Variants in KIAA0319L observed in about 807,000 individuals in gnomAD.
The protein encoded by KIAA0319L is dyslexia-associated protein KIAA0319-like protein.
A neutral mutation model predicts 120.1 loss-of-function variants in KIAA0319L; 55 were observed. The observed-to-expected ratio is 0.46, with a 90% CI of 0.37 to 0.57. KIAA0319L has a LOEUF of 0.57. KIAA0319L is among the 20% of genes least tolerant of loss of function. The pLI is 0.00. For synonymous variants in KIAA0319L, 398 were observed against 471.9 expected (o/e 0.84, Z 2.03); for missense variants, 1,049 against 1,255.3 (o/e 0.84, Z 2.48).
chr1:35,442,315 A>G lies in KIAA0319L; in HGVS notation c.2801T>C (p.Ile934Thr), dbSNP rs1570609778. 1 of 1,613,762 alleles carries G rather than the reference A, an allele frequency of 6.2e-7. No homozygotes were observed. Among genetic ancestry groups the G allele is most frequent in the Non-Finnish European group, 8.5e-7 (1 of 1,179,602 alleles). ...AACAACAATGACAAAGGTAGCAATG[A>G]TAACATATAACACGCTCCACTCTGC... ...SNCEWSVLYV[I>T]IATFVIVVAL... The change falls in exon 19 of 21, where the codon ATC becomes ACC. Residue 934 changes from isoleucine to threonine, a missense_variant. Physicochemically the swap from Ile to Thr is moderately conservative, Grantham distance 89. Transcript: ENST00000325722.
intron 1 of KIAA0319L, chr1:35,556,736 A>G (rs1571073204): frequency 6.6e-6 from 1 of 152,244 alleles, no homozygotes; most frequent in Non-Finnish European, 1.5e-5. Context: ...CTTTGTGCTC[A>G]CTGCAGCCAC....
At chr1:35,549,296 C>T (rs1424696587) in intron 2 of KIAA0319L, among the ~76,000 whole-genome samples, 1 of 152,070 alleles carries the variant, frequency 6.6e-6, no homozygotes, top group East Asian at 1.9e-4. Flanking sequence ...GATCCTCCTG[C>T]CTCAGCCTCT....
In KIAA0319L at chr1:35,435,005, G is replaced by A; in HGVS notation, c.3039C>T (p.Ile1013=). 6.2e-7 allele frequency: 1 copy of A among 1,614,182 alleles called. No homozygotes were observed. The highest frequency in any genetic ancestry group is 8.5e-7 in the Non-Finnish European group (1 of 1,179,998). Residue 1013 remains isoleucine, a synonymous_variant, in exon 21 of 21, where the codon ATC becomes ATT. Coordinates refer to ENST00000325722, the MANE Select transcript of KIAA0319L (RefSeq NM_024874.5). ...SESELDSDDA[I]FTWPDREKGK... ...CCTTCTCTCGGTCTGGCCATGTAAA[G>A]ATGGCATCATCGCTGTCCAGCTCTG...
intron 9 of KIAA0319L, 45 bp downstream of exon 9, chr1:35,460,260 C>G (rs2819002): frequency 6.1e-5 from 95 of 1,554,790 alleles, no homozygotes; most frequent in Non-Finnish European, 7.3e-5. Flanking sequence ...CCACGAGAGG[C>G]AAAAAAATGG....
rs955968928 is a variant in KIAA0319L, at chr1:35,527,513, A to C, written c.143-20378T>G. ...GCTTATTAGTCCGGTAGAATTTGAC[A>C]GTAAAGCCATCAGGTCCTAGGCTTT... On this transcript the variant is annotated intron_variant, in intron 2 of 20. Coordinates refer to ENST00000325722, the MANE Select transcript of KIAA0319L (RefSeq NM_024874.5). 2.6e-5 allele frequency among the ~76,000 whole-genome samples: 4 copies of C among 152,344 alleles called. No homozygotes were observed. In the South Asian group the frequency reaches 8.3e-4, roughly 32 times the overall value.
At chr1:35,505,818 T>C (rs1288666689) in intron 3 of KIAA0319L, among the ~76,000 whole-genome samples, 1 of 152,338 alleles carries the variant, frequency 6.6e-6, no homozygotes, top group East Asian at 1.9e-4. Context: ...TAATAATGCC[T>C]ACTTGGAAAT....
chr1:35,500,134 G>C (rs141954027), intron 3 of KIAA0319L, among the ~76,000 whole-genome samples: 100 of 152,354 alleles, frequency 6.6e-4, no homozygotes, highest in African/African-American at 2.2e-3. Context: ...CAACACTTCA[G>C]TCTTCCTACA....
chr1:35,435,421 T>C, intron 20 of KIAA0319L: 1 of 203,670 alleles, frequency 4.9e-6, no homozygotes, highest in South Asian at 1.1e-4. Context: ...CCTCCCTCTA[T>C]GGGTGGAATG....
intron 2 of KIAA0319L, among the ~76,000 whole-genome samples, chr1:35,551,071 G>A (rs1007071970): frequency 6.6e-6 from 1 of 152,126 alleles, no homozygotes; most frequent in Non-Finnish European, 1.5e-5. Flanking sequence ...CGAAAAATAT[G>A]AATTTTTTTA....
chr1:35,495,503 T>C (rs1644766428), intron 3 of KIAA0319L, among the ~76,000 whole-genome samples: 1 of 152,188 alleles, frequency 6.6e-6, no homozygotes, highest in Admixed American at 6.5e-5. Flanking sequence ...ATATCTGCTC[T>C]TTGAAAGACA....
intron 8 of KIAA0319L, among the ~76,000 whole-genome samples, chr1:35,461,648 A>T (rs2149107838): frequency 6.6e-6 from 1 of 152,302 alleles, no homozygotes; most frequent in South Asian, 2.1e-4. Flanking sequence ...CTGGAGGAAA[A>T]CCGGACACTT....
chr1:35,500,498 T>C (rs756537024), intron 3 of KIAA0319L, among the ~76,000 whole-genome samples: 10 of 152,220 alleles, frequency 6.6e-5, no homozygotes, highest in Admixed American at 1.3e-4. Context: ...AGGTCCACAA[T>C]ATCTGCCTTT....
chr1:35,477,677 A>C (rs1171870139), intron 4 of KIAA0319L, among the ~76,000 whole-genome samples: 10 of 149,894 alleles, frequency 6.7e-5, no homozygotes, highest in Non-Finnish European at 1.3e-4. Context: ...AAAAAAAAAA[A>C]AAAAAAAAAA....
At chr1:35,465,113 G>T (rs1570697517) in intron 7 of KIAA0319L, among the ~76,000 whole-genome samples, 1 of 152,318 alleles carries the variant, frequency 6.6e-6, no homozygotes, top group Non-Finnish European at 1.5e-5. Flanking sequence ...TCCCTACTGG[G>T]GAACTGTCTA....
chr1:35,527,230 G>A (rs759847968), intron 2 of KIAA0319L, among the ~76,000 whole-genome samples: 8 of 150,652 alleles, frequency 5.3e-5, no homozygotes, highest in Non-Finnish European at 1.2e-4. Flanking sequence ...TGCATCCCTG[G>A]GATAAATCCC....
At chr1:35,498,123 A>G (rs1558488673) in intron 3 of KIAA0319L, among the ~76,000 whole-genome samples, 1 of 152,208 alleles carries the variant, frequency 6.6e-6, no homozygotes, top group Non-Finnish European at 1.5e-5. Context: ...ACCTGAGGTC[A>G]GGAGTTCGAG....
At position 35,453,822 on chromosome 1, in the gene KIAA0319L, T is replaced by G. The variant is rs781034444; in HGVS notation, c.1781-133A>C. The G allele has an allele frequency of 1.2e-6, 1 of 822,586 alleles. No homozygotes were observed. Among genetic ancestry groups the G allele is most frequent in the Non-Finnish European group, 1.9e-6 (1 of 539,310 alleles). 51.0% of individuals were successfully genotyped at this position (822,586 alleles called of 1,614,324 possible). On this transcript the variant is annotated intron_variant, in intron 11 of 20. Coordinates refer to ENST00000325722, the MANE Select transcript of KIAA0319L (RefSeq NM_024874.5). This position sits in a 1 kb window ranked among gnomAD's most constrained non-coding sequence, Gnocchi z 4.1. ...CAGAACTGTCAGATACTGTGGGAGA[T>G]GTGGTTACCGTCAGGGAGCACACAA...
intron 3 of KIAA0319L, among the ~76,000 whole-genome samples, chr1:35,497,156 A>G (rs1644841179): frequency 6.6e-6 from 1 of 151,886 alleles, no homozygotes; most frequent in Non-Finnish European, 1.5e-5. Context: ...GATGGCACAC[A>G]GGAACTTTTG....
intron 16 of KIAA0319L, among the ~76,000 whole-genome samples, chr1:35,445,584 A>T (rs558210032): frequency 4.6e-5 from 7 of 152,308 alleles, no homozygotes; most frequent in Admixed American, 3.3e-4. Flanking sequence ...TGTGTGAGGG[A>T]CTATACAAAC....
Sources: allele counts gnomAD v4.1 joint callset (sites outside exome capture counted in the v4.1 genomes callset), GRCh38; gene constraint gnomAD v4.1.1; non-coding constraint Gnocchi (gnomAD v3.1); transcripts MANE v1.5; gene names NCBI Gene and HGNC (gene_info 2026-07-23, HGNC 2026-07-21).